The following ARHGEF7 variants were observed in gnomAD, a reference collection of about 807,000 sequenced individuals.
ARHGEF7 encodes Rho guanine nucleotide exchange factor 7, also known as PAK-interacting exchange factor beta.
ARHGEF7 carries 33 observed loss-of-function variants against 109.8 expected under a neutral mutation model. The ratio of observed to expected loss-of-function variants is 0.30; its 90% CI spans 0.23 to 0.40. The LOEUF is 0.40. Among genes scored for constraint, ARHGEF7 ranks in the 10% least tolerant of loss-of-function variants. The pLI is 1.00. For synonymous variants in ARHGEF7, 458 were observed against 424.6 expected, an observed-to-expected ratio of 1.08 and a Z score of -0.97; for missense variants, 938 against 1,098.5, an observed-to-expected ratio of 0.85 and a Z score of 2.07.
intron 4 of ARHGEF7, among the ~76,000 whole-genome samples, chr13:111,216,105 G>T (rs993543372): frequency 6.6e-6 from 1 of 152,154 alleles, no homozygotes; most frequent in Admixed American, 6.5e-5. Flanking sequence ...TGGGGTTCAC[G>T]CAGGTTCCTG....
In ARHGEF7 at chr13:111,153,918, C is replaced by A; in HGVS notation, c.179C>A (p.Pro60His). 6.2e-7 allele frequency: 1 copy of A among 1,605,314 alleles called. No homozygotes were observed. The highest frequency in any genetic ancestry group is 8.5e-7 in the Non-Finnish European group (1 of 1,177,218). The change falls in exon 2 of 22, where the codon CCC becomes CAC. Residue 60 changes from proline (P) to histidine (H), a missense_variant. Pro to His is a moderately conservative substitution (Grantham distance 77, BLOSUM62 -2). Around this residue, in one of 4 missense-constraint regions of ARHGEF7, gnomAD observed 165 missense variants for 125.8 expected, o/e 1.31. Coordinates refer to ENST00000646102, the MANE Select transcript of ARHGEF7 (RefSeq NM_001354046.2). ...PGTIEKVYPEPRSESECLSNI... is the reference protein window; with the variant it reads ...PGTIEKVYPEHRSESECLSNI... Reference sequence around the variant, plus strand: ...TCTGTATTGCAGGTCTACCCCGAGCCCCGGAGCGAGAGCGAGTGCCTGAGC... The same window carrying A: ...TCTGTATTGCAGGTCTACCCCGAGCACCGGAGCGAGAGCGAGTGCCTGAGC...
chr13:111,130,189 G>T (rs982887242), intron 1 of ARHGEF7, among the ~76,000 whole-genome samples: 1 of 152,204 alleles, frequency 6.6e-6, no homozygotes, highest in Non-Finnish European at 1.5e-5. Context: ...GGGGACAATA[G>T]CTGGGGTAGG....
At chr13:111,178,539 T>G (rs1377350264) in intron 2 of ARHGEF7, among the ~76,000 whole-genome samples, 1 of 152,232 alleles carries the variant, frequency 6.6e-6, no homozygotes, top group Admixed American at 6.5e-5. Context: ...TGGTATCCAC[T>G]TGGGATTCTG....
At chr13:111,229,056 C>T (rs1052529943) in intron 5 of ARHGEF7, among the ~76,000 whole-genome samples, 8 of 151,986 alleles carry the variant, frequency 5.3e-5, no homozygotes, top group Non-Finnish European at 1.0e-4. Flanking sequence ...GGAGCTGCCT[C>T]GGAGTGGGGA....
chr13:111,159,661 A>G (rs2076599254), intron 2 of ARHGEF7, among the ~76,000 whole-genome samples: 1 of 152,098 alleles, frequency 6.6e-6, no homozygotes, highest in Non-Finnish European at 1.5e-5. Flanking sequence ...TCTGTTGGCC[A>G]TTTGTATGTC....
intron 3 of ARHGEF7, among the ~76,000 whole-genome samples, chr13:111,209,008 C>T (rs756297184): frequency 2.0e-5 from 3 of 152,106 alleles, no homozygotes; most frequent in Non-Finnish European, 4.4e-5. Flanking sequence ...TCAGACTTTT[C>T]GATGTTGACC....
chr13:111,263,136 G>A (rs758957794), intron 8 of ARHGEF7, among the ~76,000 whole-genome samples: 4 of 152,200 alleles, frequency 2.6e-5, no homozygotes, highest in Non-Finnish European at 4.4e-5. Flanking sequence ...TCTAGGCAGC[G>A]TTATGTGTGG....
At chr13:111,241,867 G>T (rs2087848253) in intron 6 of ARHGEF7, among the ~76,000 whole-genome samples, 1 of 152,174 alleles carries the variant, frequency 6.6e-6, no homozygotes. Context: ...ACATTGAAAA[G>T]GACTTTTCTG....
At position 111,283,343 on chromosome 13, in the gene ARHGEF7, G is replaced by A. The variant is rs2092871902; in HGVS notation, c.1930G>A (p.Ala644Thr). Residue 644 changes from alanine (A) to threonine (T), a missense_variant, in exon 16 of 22, where the codon GCT becomes ACT. This residue lies in a region of ARHGEF7 where 585 missense variants were observed against 723.6 expected (regional missense o/e 0.81). Transcript: ENST00000646102. ...GCCCGCGCCTCCCCTCCGGCCCTCAGCTGCTCTCTGCTACAAGGAGGTGAG... is the reference window on the plus strand; with the variant it reads ...GCCCGCGCCTCCCCTCCGGCCCTCAACTGCTCTCTGCTACAAGGAGGTGAG... ...LRPAPPLRPS[A>T]ALCYKEDLSK... The A allele has an allele frequency of 6.5e-7, 1 of 1,548,336 alleles. No individual in the cohort carries two copies. Among genetic ancestry groups the A allele is most frequent in the East Asian group, 2.4e-5 (1 of 41,570 alleles).
intron 7 of ARHGEF7, 74 bp from the exon 8 acceptor site, chr13:111,244,125 C>T (rs1270220722): frequency 1.6e-6 from 2 of 1,277,138 alleles, no homozygotes; most frequent in Non-Finnish European, 1.1e-6. Context: ...TTCAATAGGA[C>T]ATTGGGATGG....
At chr13:111,296,644 T>C (rs74126791) in intron 19 of ARHGEF7, among the ~76,000 whole-genome samples, 55 of 152,330 alleles carry the variant, frequency 3.6e-4, no homozygotes, top group African/African-American at 1.3e-3. Context: ...CTAGCACTTC[T>C]CAAAATGTTA....
At chr13:111,242,989 A>C (rs1394211104) in intron 6 of ARHGEF7, among the ~76,000 whole-genome samples, 1 of 152,202 alleles carries the variant, frequency 6.6e-6, no homozygotes, top group Non-Finnish European at 1.5e-5. Context: ...TTAAGACTTA[A>C]ATTATTTTGG....
At chr13:111,130,148 C>T (rs1246766179) in intron 1 of ARHGEF7, among the ~76,000 whole-genome samples, 1 of 152,136 alleles carries the variant, frequency 6.6e-6, no homozygotes, top group Non-Finnish European at 1.5e-5. Flanking sequence ...TAGAAGATTT[C>T]TAGTGACAGA....
Position 111,273,808 on chromosome 13 carries a change from G to A in ARHGEF7, c.1074-6G>A, listed in dbSNP as rs768159475. 1 of 1,614,096 alleles carries A rather than the reference G, an allele frequency of 6.2e-7. No homozygotes were observed. Among genetic ancestry groups the A allele is most frequent in the Non-Finnish European group, 8.5e-7 (1 of 1,179,938 alleles). On this transcript the variant is annotated splice_region_variant and splice_polypyrimidine_tract_variant and intron_variant, in intron 9 of 21. Coordinates refer to ENST00000646102, the MANE Select transcript of ARHGEF7 (RefSeq NM_001354046.2). This position sits in a 1 kb window ranked among gnomAD's most constrained non-coding sequence, Gnocchi z 4.5. ...ACGAGTGTCTCTCTTGCCACTTGCTGCCCAGTGAGGAGTTGGGGGAGTTCA... is the reference window on the plus strand; with the variant it reads ...ACGAGTGTCTCTCTTGCCACTTGCTACCCAGTGAGGAGTTGGGGGAGTTCA...
At chr13:111,137,027 C>T (rs1414511940) in intron 1 of ARHGEF7, among the ~76,000 whole-genome samples, 1 of 152,176 alleles carries the variant, frequency 6.6e-6, no homozygotes, top group African/African-American at 2.4e-5. Flanking sequence ...CACATACACC[C>T]TCCAAAGACT....
chr13:111,128,997 A>G (rs566127297), intron 1 of ARHGEF7, among the ~76,000 whole-genome samples: 5 of 152,358 alleles, frequency 3.3e-5, no homozygotes, highest in African/African-American at 1.2e-4. Flanking sequence ...AGTCAGCACA[A>G]CGTTGCAATA....
intron 6 of ARHGEF7, among the ~76,000 whole-genome samples, chr13:111,243,383 C>G (rs996405669): frequency 2.6e-5 from 4 of 152,208 alleles, no homozygotes; most frequent in Non-Finnish European, 5.9e-5. Context: ...CGTCATTCTC[C>G]TTTCCTTGTT....
At chr13:111,137,052 T>C (rs1330090396) in intron 1 of ARHGEF7, among the ~76,000 whole-genome samples, 2 of 152,196 alleles carry the variant, frequency 1.3e-5, no homozygotes, top group Non-Finnish European at 2.9e-5. Flanking sequence ...CAGGAAGGAA[T>C]TGAATCTCTT....
At chr13:111,232,611 C>CT (rs2086246261) in intron 5 of ARHGEF7, among the ~76,000 whole-genome samples, 1 of 152,164 alleles carries the variant, frequency 6.6e-6, no homozygotes, top group South Asian at 2.1e-4. Context: ...CATCAGAATC[C>CT]TTGCTGGAGT....
Sources: allele counts gnomAD v4.1 joint callset (sites outside exome capture counted in the v4.1 genomes callset), GRCh38; gene constraint gnomAD v4.1.1; regional missense constraint gnomAD v4.1.1; non-coding constraint Gnocchi (gnomAD v3.1); transcripts MANE v1.5; gene names NCBI Gene and HGNC (gene_info 2026-07-23, HGNC 2026-07-21).